Variants in ARHGAP26 observed in about 807,000 individuals in gnomAD.
The protein encoded by ARHGAP26 is Rho GTPase activating protein 26.
Under a neutral mutation model 104.8 loss-of-function variants are expected in ARHGAP26, and 38 were observed. That is an observed-to-expected ratio of 0.36 (90% CI 0.28 to 0.48). ARHGAP26 has a LOEUF of 0.48. ARHGAP26 is among the 20% of genes least tolerant of loss of function. ARHGAP26 has a pLI of 0.99. For missense variants in ARHGAP26, 704 were observed against 947.9 expected (o/e 0.74, Z 3.38); for synonymous variants, 341 against 340.0 (o/e 1.00, Z -0.03).
chr5:142,950,988 TCTTTCCCTTTCTCTTTCCCTTTCC>T (rs764099743), intron 11 of ARHGAP26, among the ~76,000 whole-genome samples: 132,177 of 145,078 alleles, frequency 0.91, 60,536 homozygotes, highest in Non-Finnish European at 0.96. Flanking sequence ...TTTCCCTTCC[TCTTTCCCTTTCTCTTTCCCTTTCC>T]CTTTCCCTTT....
intron 11 of ARHGAP26, among the ~76,000 whole-genome samples, chr5:142,944,572 A>G (rs1033803196): frequency 2.6e-5 from 4 of 152,106 alleles, no homozygotes; most frequent in African/African-American, 9.7e-5. Context: ...GTGTATTTAT[A>G]TGTGTGTGTA....
intron 1 of ARHGAP26, among the ~76,000 whole-genome samples, chr5:142,800,203 A>T (rs1761789775): frequency 2.6e-5 from 4 of 152,146 alleles, no homozygotes; most frequent in African/African-American, 7.2e-5. Context: ...AGGCTTAAAG[A>T]TTGAGCCTTT....
At chr5:142,930,837 A>T (rs571004474) in intron 10 of ARHGAP26, among the ~76,000 whole-genome samples, 1 of 152,322 alleles carries the variant, frequency 6.6e-6, no homozygotes, top group Middle Eastern at 3.4e-3. Flanking sequence ...TGTTAAACAC[A>T]AATAGGTTTA....
intron 1 of ARHGAP26, among the ~76,000 whole-genome samples, chr5:142,821,578 C>T (rs979717791): frequency 5.3e-5 from 8 of 152,122 alleles, no homozygotes; most frequent in African/African-American, 1.9e-4. Flanking sequence ...CCAGCACCAT[C>T]AACATCGTCT....
chr5:143,206,114 G>A (rs545017689), intron 20 of ARHGAP26, among the ~76,000 whole-genome samples: 1 of 152,178 alleles, frequency 6.6e-6, no homozygotes, highest in South Asian at 2.1e-4. Context: ...CCAGTAAGTA[G>A]GACATTTGTG....
At chr5:143,110,038 C>T (rs1479143515) in intron 17 of ARHGAP26, among the ~76,000 whole-genome samples, 3 of 152,182 alleles carry the variant, frequency 2.0e-5, no homozygotes, top group East Asian at 3.9e-4. Flanking sequence ...GTACTTACCC[C>T]GAGGTGTTTG....
In ARHGAP26 at chr5:142,845,542, G is replaced by A. The variant is rs565813455; in HGVS notation, c.155-27858G>A. On this transcript the variant is annotated intron_variant, in intron 1 of 22. Coordinates refer to ENST00000645722, the MANE Select transcript of ARHGAP26 (RefSeq NM_001135608.3). ...TTTTCCTTCTGGTGGCCAGACATCCGCAGTTACTGTCTTTGTTATGTGCTC... is the reference window on the plus strand; with the variant it reads ...TTTTCCTTCTGGTGGCCAGACATCCACAGTTACTGTCTTTGTTATGTGCTC... Among the ~76,000 whole-genome samples the A allele has an allele frequency of 5.3e-5, 8 of 152,274 alleles. No individual in the cohort carries two copies. In the East Asian group the frequency reaches 5.8e-4, roughly 11 times the overall value.
chr5:142,930,937 C>T (rs1764626905), intron 10 of ARHGAP26, among the ~76,000 whole-genome samples: 1 of 152,166 alleles, frequency 6.6e-6, no homozygotes, highest in South Asian at 2.1e-4. Flanking sequence ...GGGGCCCAGG[C>T]TTGTGCTGCT....
At position 143,181,915 on chromosome 5, in the gene ARHGAP26, G is replaced by A. The variant is rs183436531; in HGVS notation, c.1989-25283G>A. Among the ~76,000 whole-genome samples the A allele has an allele frequency of 1.2e-4, 18 of 152,324 alleles. No homozygotes were observed. The East Asian group carries it at 3.5e-3, about 29-fold the overall frequency. On this transcript the variant is annotated intron_variant, in intron 20 of 22. Coordinates refer to ENST00000645722, the MANE Select transcript of ARHGAP26 (RefSeq NM_001135608.3). ...CTGTTTCTCATGGTCTACATGGTCA[G>A]CCATTGTTTACCTGACTTAACTAAC...
chr5:143,133,211 C>T (rs1374877248), intron 18 of ARHGAP26, among the ~76,000 whole-genome samples: 1 of 151,256 alleles, frequency 6.6e-6, no homozygotes, highest in Non-Finnish European at 1.5e-5. Context: ...AGAATAAAAG[C>T]CCCTCCTCCA....
At position 142,956,753 on chromosome 5, in the gene ARHGAP26, T is replaced by A. The variant is rs1394835786; in HGVS notation, c.1107+24628T>A. On this transcript the variant is annotated intron_variant, in intron 11 of 22. Coordinates refer to ENST00000645722, the MANE Select transcript of ARHGAP26 (RefSeq NM_001135608.3). ...TACAAAAGAAAGAGGTTTAATTGGA[T>A]TTACAGTTCCACTTGGCTGGGGAAG... Among the ~76,000 whole-genome samples, 4 of 152,098 alleles carry A rather than the reference T, an allele frequency of 2.6e-5. No homozygotes were observed. The East Asian group carries it at 7.7e-4, about 29-fold the overall frequency.
intron 11 of ARHGAP26, among the ~76,000 whole-genome samples, chr5:142,973,981 G>A (rs984326932): frequency 6.6e-6 from 1 of 152,104 alleles, no homozygotes; most frequent in Non-Finnish European, 1.5e-5. Flanking sequence ...ATTTTAGACT[G>A]GGCAGTGCCC....
intron 1 of ARHGAP26, among the ~76,000 whole-genome samples, chr5:142,808,055 G>GA (rs1763326841): frequency 6.6e-6 from 1 of 151,740 alleles, no homozygotes; most frequent in African/African-American, 2.4e-5. Context: ...CTAATACGGT[G>GA]AAACCCCGTT....
chr5:143,106,801 A>G (rs951719342), intron 17 of ARHGAP26, among the ~76,000 whole-genome samples: 1 of 152,092 alleles, frequency 6.6e-6, no homozygotes, highest in Non-Finnish European at 1.5e-5. Context: ...GGTCTCAGGC[A>G]GGCATTGCTG....
At position 142,944,333 on chromosome 5, in the gene ARHGAP26, C is replaced by A. The variant is rs566743485; in HGVS notation, c.1107+12208C>A. 2.6e-5 allele frequency among the ~76,000 whole-genome samples: 4 copies of A among 152,300 alleles called. No homozygotes were observed. The East Asian group carries it at 5.8e-4, about 22-fold the overall frequency. On this transcript the variant is annotated intron_variant, in intron 11 of 22. Transcript: ENST00000645722. ...CTTTTGATGACATCATTATGAACAA[C>A]GGCTTGGAAATCCTTGTATGAACTT...
intron 19 of ARHGAP26, among the ~76,000 whole-genome samples, chr5:143,137,483 C>A (rs1249842371): frequency 6.6e-6 from 1 of 152,202 alleles, no homozygotes; most frequent in Non-Finnish European, 1.5e-5. Context: ...TGCCACAGAG[C>A]AGATACCTGG....
intron 11 of ARHGAP26, chr5:142,946,437 G>A (rs1207406132): frequency 1.3e-5 from 2 of 152,110 alleles, no homozygotes; most frequent in Non-Finnish European, 2.9e-5. Context: ...GGTTGGATTA[G>A]CTTCAATTTT....
intron 20 of ARHGAP26, among the ~76,000 whole-genome samples, chr5:143,167,460 A>C (rs1802139270): frequency 7.7e-6 from 1 of 129,428 alleles, no homozygotes. Flanking sequence ...TCCAGCCTGC[A>C]TGACAGAGCA....
At chr5:143,097,663 A>G (rs1792593957) in intron 17 of ARHGAP26, among the ~76,000 whole-genome samples, 1 of 152,028 alleles carries the variant, frequency 6.6e-6, no homozygotes, top group Non-Finnish European at 1.5e-5. Context: ...TACTAAAAAT[A>G]CAAAAAAAAT....
Sources: allele counts gnomAD v4.1 joint callset (sites outside exome capture counted in the v4.1 genomes callset), GRCh38; gene constraint gnomAD v4.1.1; transcripts MANE v1.5; gene names NCBI Gene and HGNC (gene_info 2026-07-23, HGNC 2026-07-21).